Variants in HIP1 observed in about 807,000 individuals in gnomAD.
The protein encoded by HIP1 is huntingtin interacting protein 1.
HIP1 carries 65 observed loss-of-function variants against 147.6 expected under a neutral mutation model. That is an observed-to-expected ratio of 0.44 (90% CI 0.36 to 0.54). HIP1 has a LOEUF of 0.54. HIP1 is among the 20% of genes least tolerant of loss of function. The pLI is 0.00. For synonymous variants in HIP1, 479 were observed against 504.0 expected (o/e 0.95, Z 0.67); for missense variants, 1,061 against 1,299.6 (o/e 0.82, Z 2.82).
At chr7:75,646,907 A>G (rs782388742) in intron 1 of HIP1, among the ~76,000 whole-genome samples, 8 of 152,144 alleles carry the variant, frequency 5.3e-5, no homozygotes, top group Non-Finnish European at 7.3e-5. Flanking sequence ...CTCCAGGACC[A>G]ATGTCAGACT....
chr7:75,633,491 C>T (rs1798310608), intron 1 of HIP1, among the ~76,000 whole-genome samples: 1 of 152,126 alleles, frequency 6.6e-6, no homozygotes, highest in Non-Finnish European at 1.5e-5. Flanking sequence ...TGGGTTTCAC[C>T]ATGTTAGCCA....
chr7:75,653,041 C>A (rs2117192545), intron 1 of HIP1, among the ~76,000 whole-genome samples: 1 of 151,800 alleles, frequency 6.6e-6, no homozygotes, highest in East Asian at 1.9e-4. Context: ...TTTGGCTAAA[C>A]AATATATGTG....
At chr7:75,676,665 A>C (rs1799900690) in intron 1 of HIP1, among the ~76,000 whole-genome samples, 1 of 151,758 alleles carries the variant, frequency 6.6e-6, no homozygotes, top group Non-Finnish European at 1.5e-5. Flanking sequence ...AATCCCAGCT[A>C]CACGGGAGGC....
intron 2 of HIP1, among the ~76,000 whole-genome samples, chr7:75,597,831 C>T (rs936442775): frequency 1.3e-4 from 20 of 152,094 alleles, no homozygotes; most frequent in African/African-American, 4.6e-4. Flanking sequence ...TTAGCCACCC[C>T]CCTGGCAGAC....
chr7:75,545,315 A>G (rs1794513547), intron 25 of HIP1, 127 bp from the exon 26 acceptor site: 1 of 665,540 alleles, frequency 1.5e-6, no homozygotes, highest in East Asian at 2.8e-5. Context: ...TAGTATTCCC[A>G]TTTTACAAAA....
chr7:75,564,444 G>A (rs1447311494), intron 9 of HIP1, among the ~76,000 whole-genome samples: 1 of 152,080 alleles, frequency 6.6e-6, no homozygotes, highest in Non-Finnish European at 1.5e-5. Context: ...ACAAGCATGT[G>A]CCATCATGCC....
chr7:75,574,589 C>CAAA (rs67839568), intron 7 of HIP1, among the ~76,000 whole-genome samples: 7 of 108,636 alleles, frequency 6.4e-5, no homozygotes, highest in Admixed American at 2.0e-4. Context: ...GACACCATCT[C>CAAA]AAAAAAAAAA....
intron 2 of HIP1, 116 bp from the exon 3 acceptor site, chr7:75,592,630 A>T: frequency 1.9e-6 from 2 of 1,073,654 alleles, no homozygotes; most frequent in Non-Finnish European, 2.6e-6. Flanking sequence ...CAGGGGATAG[A>T]GGCTGCACCC....
intron 1 of HIP1, among the ~76,000 whole-genome samples, chr7:75,608,884 CTG>C (rs1797325347): frequency 6.6e-6 from 1 of 152,136 alleles, no homozygotes. Context: ...TCGAGGAAAA[CTG>C]TGATCTGATG....
Position 75,589,615 on chromosome 7 carries a change from G to A in HIP1, c.384+2441C>T, listed in dbSNP as rs140881172. ...GGAGAATCGCTTCAACCTGGGTGGC[G>A]AAGGGTGCAGTGAGCTGAGATTATG... On this transcript the variant is annotated intron_variant, in intron 4 of 30. Transcript: ENST00000336926. Among the ~76,000 whole-genome samples the A allele has an allele frequency of 4.4e-3, 605 of 136,922 alleles. 5 individuals carry two copies. Among genetic ancestry groups the A allele is most frequent in the African/African-American group, 0.015 (564 of 36,608 alleles). 89.8% of individuals were successfully genotyped at this position (136,922 alleles called of 152,430 possible). A position where few individuals can be genotyped will look rare whatever the true frequency, so the allele number is the denominator to read the frequency against.
At chr7:75,607,229 T>TTC (rs1433100087) in intron 1 of HIP1, among the ~76,000 whole-genome samples, 56 of 132,998 alleles carry the variant, frequency 4.2e-4, no homozygotes, top group African/African-American at 1.5e-3. Flanking sequence ...TTGTTTTTTG[T>TTC]TTTGTTTTTT....
chr7:75,729,975 G>A (rs139564486), intron 1 of HIP1, among the ~76,000 whole-genome samples: 9 of 152,232 alleles, frequency 5.9e-5, no homozygotes, highest in African/African-American at 4.8e-5. Context: ...AACAGAATGC[G>A]GCTGTGAGGG....
At chr7:75,563,656 T>C (rs1795309043) in intron 9 of HIP1, among the ~76,000 whole-genome samples, 1 of 152,244 alleles carries the variant, frequency 6.6e-6, no homozygotes, top group Non-Finnish European at 1.5e-5. Flanking sequence ...GAAGGGAATT[T>C]TACTACAAAG....
chr7:75,638,828 C>T (rs1008734995), intron 1 of HIP1, among the ~76,000 whole-genome samples: 1 of 152,168 alleles, frequency 6.6e-6, no homozygotes, highest in African/African-American at 2.4e-5. Flanking sequence ...GGCAGCCCGG[C>T]GGCGGCGCGG....
At chr7:75,593,364 C>G (rs1368544491) in intron 2 of HIP1, among the ~76,000 whole-genome samples, 3 of 152,104 alleles carry the variant, frequency 2.0e-5, no homozygotes, top group Non-Finnish European at 2.9e-5. Flanking sequence ...GGTGCAGAGA[C>G]TCACGCCTAT....
At chr7:75,538,958 G>C (rs1049699593) in intron 30 of HIP1, among the ~76,000 whole-genome samples, 1 of 152,128 alleles carries the variant, frequency 6.6e-6, no homozygotes, top group Non-Finnish European at 1.5e-5. Flanking sequence ...ACTTGTCCCT[G>C]TCTGCCAGAT....
At chr7:75,672,299 C>T (rs1799748979) in intron 1 of HIP1, among the ~76,000 whole-genome samples, 1 of 150,634 alleles carries the variant, frequency 6.6e-6, no homozygotes, top group Non-Finnish European at 1.5e-5. Context: ...TATTTTCTCC[C>T]ATTCTATGAG....
intron 4 of HIP1, among the ~76,000 whole-genome samples, chr7:75,590,954 A>G (rs587595477): frequency 5.3e-5 from 8 of 152,284 alleles, no homozygotes; most frequent in Non-Finnish European, 1.2e-4. Flanking sequence ...AGACAGATAC[A>G]GGTAAGACTG....
intron 22 of HIP1, 133 bp from the exon 23 acceptor site, chr7:75,549,134 G>T (rs1794682785): frequency 3.3e-5 from 5 of 152,638 alleles, no homozygotes; most frequent in Admixed American, 8.5e-5. Context: ...CAGGGGTTGT[G>T]GGGGGGTCTT....
Sources: allele counts gnomAD v4.1 joint callset (sites outside exome capture counted in the v4.1 genomes callset), GRCh38; gene constraint gnomAD v4.1.1; transcripts MANE v1.5; gene names NCBI Gene and HGNC (gene_info 2026-07-23, HGNC 2026-07-21).